Variants in CCSER1 observed in about 807,000 individuals in gnomAD.
CCSER1 encodes the protein coiled-coil serine rich protein 1.
A neutral mutation model predicts 82.0 loss-of-function variants in CCSER1; 41 were observed. The ratio of observed to expected loss-of-function variants is 0.50; its 90% CI spans 0.39 to 0.65. The LOEUF is 0.65. Ranked by LOEUF, CCSER1 falls within the 30% of genes least tolerant of loss-of-function variation. The probability of loss-of-function intolerance (pLI) is 0.00; values close to 1 mark genes in which losing one functional copy is unlikely to be tolerated. For synonymous variants in CCSER1, 414 were observed against 383.9 expected, an observed-to-expected ratio of 1.08 and a Z score of -0.92; for missense variants, 1,119 against 1,064.2, an observed-to-expected ratio of 1.05 and a Z score of -0.72.
intron 10 of CCSER1, among the ~76,000 whole-genome samples, chr4:91,127,662 T>C (rs1251661106): frequency 1.3e-5 from 2 of 152,086 alleles, no homozygotes; most frequent in African/African-American, 4.8e-5. Context: ...ACAGTTATAT[T>C]TATTTTGCAA....
At chr4:90,970,939 A>G (rs893596153) in intron 9 of CCSER1, among the ~76,000 whole-genome samples, 1 of 151,942 alleles carries the variant, frequency 6.6e-6, no homozygotes, top group Non-Finnish European at 1.5e-5. Flanking sequence ...AAGAAATTTT[A>G]TATCAATAAA....
At chr4:90,150,968 T>G (rs1423527172) in intron 1 of CCSER1, among the ~76,000 whole-genome samples, 5 of 152,136 alleles carry the variant, frequency 3.3e-5, no homozygotes, top group African/African-American at 2.4e-5. Context: ...GATTGTTATT[T>G]TTTTTTCCTC....
In CCSER1 at chr4:90,128,122, G is replaced by T. The variant is rs571494185; in HGVS notation, c.-42+291G>T. 1.1e-4 allele frequency among the ~76,000 whole-genome samples: 16 copies of T among 152,248 alleles called. No homozygotes were observed. In the South Asian group the frequency reaches 3.1e-3, roughly 30 times the overall value. ...TGCGTGGTTTGCTGCCTGCGGCCGC[G>T]GCGGCCGCTCCAGGGCGATGCGGAG... On this transcript the variant is annotated intron_variant, in intron 1 of 10. Coordinates refer to ENST00000509176, the MANE Select transcript of CCSER1 (RefSeq NM_001145065.2).
At chr4:91,391,961 T>C (rs1751676773) in intron 10 of CCSER1, among the ~76,000 whole-genome samples, 1 of 152,080 alleles carries the variant, frequency 6.6e-6, no homozygotes. Flanking sequence ...TAAACATACA[T>C]ACATACAATA....
intron 10 of CCSER1, among the ~76,000 whole-genome samples, chr4:91,271,077 ATAT>A (rs1278339290): frequency 6.6e-6 from 1 of 152,060 alleles, no homozygotes; most frequent in East Asian, 1.9e-4. Flanking sequence ...AATATATTAA[ATAT>A]TGTTGTTTTA....
At chr4:91,261,682 A>G (rs949993752) in intron 10 of CCSER1, among the ~76,000 whole-genome samples, 2 of 152,178 alleles carry the variant, frequency 1.3e-5, no homozygotes, top group Non-Finnish European at 2.9e-5. Flanking sequence ...GGAAAACTGT[A>G]GTGTCTTATC....
At position 90,313,015 on chromosome 4, in the gene CCSER1, G is replaced by A; in HGVS notation, c.1477G>A (p.Ala493Thr). The change falls in exon 3 of 11, where the codon GCA (alanine) becomes ACA (threonine). Residue 493 changes from alanine to threonine, a missense_variant. Physicochemically the swap from Ala to Thr is moderately conservative, Grantham distance 58 (BLOSUM62 0). Coordinates refer to ENST00000509176, the MANE Select transcript of CCSER1 (RefSeq NM_001145065.2). ...EEVNSLRKQR[A>T]GSSSSKMNSL... ...AGTTAATAGTTTAAGAAAGCAAAGA[G>A]CAGGTTCTTCATCTTCAAAAATGAA... 6.2e-7 allele frequency: 1 copy of A among 1,604,940 alleles called. No homozygotes were observed. Among genetic ancestry groups the A allele is most frequent in the Non-Finnish European group, 8.5e-7 (1 of 1,175,244 alleles).
At chr4:91,412,268 G>A (rs1753099809) in intron 10 of CCSER1, among the ~76,000 whole-genome samples, 1 of 151,952 alleles carries the variant, frequency 6.6e-6, no homozygotes, top group South Asian at 2.1e-4. Flanking sequence ...AATCAGGGAA[G>A]AGTCACACCC....
chr4:90,396,235 T>C (rs1751938063), intron 3 of CCSER1, among the ~76,000 whole-genome samples: 1 of 152,240 alleles, frequency 6.6e-6, no homozygotes, highest in Non-Finnish European at 1.5e-5. Context: ...ATTTATCAAA[T>C]GTCTGAAATG....
At chr4:91,241,615 C>T (rs929893859) in intron 10 of CCSER1, among the ~76,000 whole-genome samples, 4 of 151,940 alleles carry the variant, frequency 2.6e-5, no homozygotes, top group South Asian at 2.1e-4. Context: ...CATGAGGCAC[C>T]GTGCCTGGCC....
chr4:90,342,850 T>G (rs191045140), intron 3 of CCSER1, among the ~76,000 whole-genome samples: 30 of 152,298 alleles, frequency 2.0e-4, no homozygotes, highest in Non-Finnish European at 3.5e-4. Flanking sequence ...GATTATTCCT[T>G]TATTCTTAAA....
intron 10 of CCSER1, among the ~76,000 whole-genome samples, chr4:91,123,488 C>A (rs1051420952): frequency 6.6e-6 from 1 of 151,618 alleles, no homozygotes; most frequent in Non-Finnish European, 1.5e-5. Context: ...CTTAAAGGCT[C>A]CATGTTATAG....
intron 8 of CCSER1, chr4:90,918,212 C>T (rs1727803498): frequency 4.4e-6 from 2 of 454,668 alleles, no homozygotes; most frequent in Non-Finnish European, 8.8e-6. Context: ...AATGTGTGTA[C>T]ATTTCTTTTT....
intron 8 of CCSER1, among the ~76,000 whole-genome samples, chr4:90,883,305 T>C (rs1045732171): frequency 2.6e-5 from 4 of 152,062 alleles, no homozygotes; most frequent in African/African-American, 9.6e-5. Flanking sequence ...ATTAACTTTA[T>C]ATGAAATGGC....
chr4:91,175,247 G>A (rs1196402936), intron 10 of CCSER1, among the ~76,000 whole-genome samples: 2 of 152,094 alleles, frequency 1.3e-5, no homozygotes, highest in Non-Finnish European at 2.9e-5. Flanking sequence ...GTTGGTTCCA[G>A]GTCTTTGCTA....
chr4:90,183,915 CAAAT>C (rs1481469419), intron 1 of CCSER1, among the ~76,000 whole-genome samples: 2 of 151,988 alleles, frequency 1.3e-5, no homozygotes, highest in Non-Finnish European at 2.9e-5. Context: ...TAAAGGTGGA[CAAAT>C]AAATAAATAA....
At chr4:90,799,687 A>G (rs1756526674) in intron 7 of CCSER1, among the ~76,000 whole-genome samples, 1 of 152,148 alleles carries the variant, frequency 6.6e-6, no homozygotes, top group South Asian at 2.1e-4. Context: ...GCAGTTCCCC[A>G]TGACTAACGT....
At chr4:91,039,987 C>G (rs952664978) in intron 9 of CCSER1, among the ~76,000 whole-genome samples, 2 of 152,076 alleles carry the variant, frequency 1.3e-5, no homozygotes, top group Admixed American at 1.3e-4. Flanking sequence ...ACAAAAAACT[C>G]TATTCTAATA....
At position 91,372,823 on chromosome 4, in the gene CCSER1, A is replaced by T. The variant is rs572261696; in HGVS notation, c.2218-225749A>T. Among the ~76,000 whole-genome samples, 14 of 152,270 alleles carry T rather than the reference A, an allele frequency of 9.2e-5. No individual in the cohort carries two copies. The South Asian group carries it at 2.9e-3, about 32-fold the overall frequency. ...TTTGGACCATTAAACTCTGAGTAAG[A>T]GACAAACCACCACAATCATGACTGT... On this transcript the variant is annotated intron_variant, in intron 10 of 10. Coordinates refer to ENST00000509176, the MANE Select transcript of CCSER1 (RefSeq NM_001145065.2).
Sources: gnomAD v4.1 joint callset for allele counts (sites outside exome capture counted in the v4.1 genomes callset) on GRCh38, gnomAD v4.1.1 for gene constraint, MANE v1.5 for transcripts, NCBI Gene and HGNC (gene_info 2026-07-23, HGNC 2026-07-21) for gene names.